The following ANXA8 variants were observed in gnomAD, a reference collection of about 807,000 sequenced individuals.
ANXA8 encodes VAC-beta.
ANXA8 carries 9 observed loss-of-function variants against 26.8 expected under a neutral mutation model. The observed-to-expected ratio is 0.34, with a 90% CI of 0.20 to 0.59. The LOEUF (loss-of-function observed/expected upper bound fraction) is 0.59. ANXA8 is among the 20% of genes least tolerant of loss of function. The pLI, the probability that ANXA8 is intolerant of heterozygous loss-of-function variation, is 0.84. For missense variants in ANXA8, 83 were observed against 238.5 expected (o/e 0.35, Z 4.29); for synonymous variants, 39 against 94.8 (o/e 0.41, Z 3.42).
the ANXA8 span, among the ~76,000 whole-genome samples, chr10:47,702,159 ATT>A: frequency 6.7e-6 from 1 of 149,050 alleles, no homozygotes; most frequent in East Asian, 2.0e-4. Context: ...TAAACTGAGG[ATT>A]TTTAATATAG....
the ANXA8 span, among the ~76,000 whole-genome samples, chr10:47,653,357 G>A: frequency 6.0e-5 from 9 of 150,848 alleles, no homozygotes; most frequent in East Asian, 2.0e-4. Context: ...GTACTCTAGG[G>A]AAGAAATAAC....
the ANXA8 span, among the ~76,000 whole-genome samples, chr10:47,583,826 C>T: frequency 7.0e-6 from 1 of 142,724 alleles, no homozygotes; most frequent in African/African-American, 2.8e-5. Context: ...AGCAAAGGTG[C>T]GGCTGGCTGG....
At chr10:47,487,586 G>A (rs1418850162), upstream of ANXA8, among the ~76,000 whole-genome samples, 2 of 128,566 alleles carry the variant, frequency 1.6e-5, no homozygotes, top group East Asian at 2.6e-4. Flanking sequence ...CCAACAACTT[G>A]CATTTCTTCA....
At chr10:47,525,872 T>G in the ANXA8 span, among the ~76,000 whole-genome samples, 1 of 127,794 alleles carries the variant, frequency 7.8e-6, no homozygotes, top group East Asian at 3.3e-4. Context: ...TGGCGTGATC[T>G]TGGCTCACTG....
At chr10:47,732,588 G>A in the ANXA8 span, among the ~76,000 whole-genome samples, 1 of 62,692 alleles carries the variant, frequency 1.6e-5, no homozygotes, top group African/African-American at 7.7e-5. Context: ...CAGCTTGCAG[G>A]GACAGCTCTC....
At chr10:47,924,579 G>C in the ANXA8 span, among the ~76,000 whole-genome samples, 1 of 151,646 alleles carries the variant, frequency 6.6e-6, no homozygotes, top group East Asian at 1.9e-4. Flanking sequence ...TGGAGCCCTG[G>C]AAGAGCCTCA....
At chr10:47,586,844 A>G in the ANXA8 span, among the ~76,000 whole-genome samples, 1 of 146,426 alleles carries the variant, frequency 6.8e-6, no homozygotes, top group South Asian at 2.1e-4. Context: ...AAGAGCCCCC[A>G]TCTCCTAGGG....
chr10:47,607,408 C>T, the ANXA8 span, among the ~76,000 whole-genome samples: 229 of 149,576 alleles, frequency 1.5e-3, 16 homozygotes, highest in African/African-American at 5.6e-3. Flanking sequence ...TTCATCCAGC[C>T]TTCATTCACT....
At chr10:47,723,509 C>T in the ANXA8 span, among the ~76,000 whole-genome samples, 9 of 83,444 alleles carry the variant, frequency 1.1e-4, no homozygotes, top group African/African-American at 3.8e-4. Flanking sequence ...CTTCTTTCCT[C>T]GCTCTAACTG....
At chr10:47,705,219 G>A in the ANXA8 span, among the ~76,000 whole-genome samples, 7 of 149,010 alleles carry the variant, frequency 4.7e-5, no homozygotes, top group Non-Finnish European at 8.9e-5. Flanking sequence ...TATAGTAACT[G>A]AGATGGTGTG....
chr10:47,595,864 T>C, the ANXA8 span, among the ~76,000 whole-genome samples: 6 of 147,836 alleles, frequency 4.1e-5, no homozygotes, highest in African/African-American at 7.9e-5. Context: ...GAGGCAGAAA[T>C]CTAAACAAAT....
chr10:47,700,778 C>A, the ANXA8 span, among the ~76,000 whole-genome samples: 1 of 150,038 alleles, frequency 6.7e-6, no homozygotes, highest in African/African-American at 2.5e-5. Context: ...ATATAAAGAA[C>A]TTTTAAACCT....
At chr10:47,491,717 G>T in the ANXA8 span, 11 of 1,543,296 alleles carry the variant, frequency 7.1e-6, no homozygotes, top group Admixed American at 2.0e-5. Flanking sequence ...CTGAGGACTG[G>T]CCCAACATGC....
At chr10:47,690,959 G>A in the ANXA8 span, 1 of 1,611,024 alleles carries the variant, frequency 6.2e-7, no homozygotes, top group Non-Finnish European at 8.5e-7. Context: ...ATGGATCGGA[G>A]AAATGTGTCT....
rs1383370274 is a variant in ANXA8, at chr10:47,482,161, G to A, written c.21+1752C>T. ...CAGCTTTGTGCCTAGAGGACACTGG[G>A]TCTTCGCTAGCAGCTCAGCTGTTGC... On this transcript the variant is annotated intron_variant, in intron 1 of 11. Coordinates refer to ENST00000585281, the MANE Select transcript of ANXA8 (RefSeq NM_001040084.3). 1.8e-4 allele frequency among the ~76,000 whole-genome samples: 24 copies of A among 135,660 alleles called. 4 individuals are homozygous for A. The highest frequency in any genetic ancestry group is 1.8e-3 in the Admixed American group (24 of 13,676). 89.0% of individuals were successfully genotyped at this position (135,660 alleles called of 152,430 possible).
the ANXA8 span, among the ~76,000 whole-genome samples, chr10:47,978,129 A>T: frequency 1.3e-5 from 2 of 152,118 alleles, no homozygotes; most frequent in African/African-American, 4.8e-5. Flanking sequence ...ACTTCTTATC[A>T]AAACCATTCA....
chr10:47,768,637 G>C, the ANXA8 span, among the ~76,000 whole-genome samples: 1 of 151,410 alleles, frequency 6.6e-6, no homozygotes, highest in African/African-American at 2.4e-5. Flanking sequence ...AGGGGGCTGT[G>C]CTGAGGTAGA....
the ANXA8 span, among the ~76,000 whole-genome samples, chr10:47,653,010 T>C: frequency 3.3e-5 from 5 of 151,424 alleles, no homozygotes; most frequent in East Asian, 9.7e-4. Flanking sequence ...ATTGGTGAAC[T>C]TGGTTAGAAA....
At chr10:47,664,085 C>T in the ANXA8 span, among the ~76,000 whole-genome samples, 1 of 150,674 alleles carries the variant, frequency 6.6e-6, no homozygotes, top group Non-Finnish European at 1.5e-5. Context: ...ACTTATAATT[C>T]TCAGTAATTG....
Sources: gnomAD v4.1 joint callset for allele counts (sites outside exome capture counted in the v4.1 genomes callset) on GRCh38, gnomAD v4.1.1 for gene constraint, MANE v1.5 for transcripts, NCBI Gene and HGNC (gene_info 2026-07-23, HGNC 2026-07-21) for gene names.